PTBP3: variants seen among roughly 807,000 people sequenced by gnomAD.
PTBP3 encodes the protein polypyrimidine tract-binding protein 3.
A neutral mutation model predicts 58.7 loss-of-function variants in PTBP3; 20 were observed. That is an observed-to-expected ratio of 0.34 (90% CI 0.24 to 0.50). The LOEUF (loss-of-function observed/expected upper bound fraction) is 0.50, where lower values mean the gene tolerates loss of function less well. PTBP3 is among the 20% of genes least tolerant of loss of function. The pLI is 0.98. For synonymous variants in PTBP3, 185 were observed against 219.8 expected, an observed-to-expected ratio of 0.84 and a Z score of 1.40; for missense variants, 509 against 637.2, an observed-to-expected ratio of 0.80 and a Z score of 2.17.
the PTBP3 span, among the ~76,000 whole-genome samples, chr9:112,343,906 A>G: frequency 6.6e-6 from 1 of 152,122 alleles, no homozygotes; most frequent in Non-Finnish European, 1.5e-5. Flanking sequence ...CTCCTTCAGT[A>G]AAGTACCTGT....
chr9:112,353,067 A>G, the PTBP3 span, among the ~76,000 whole-genome samples: 2 of 151,734 alleles, frequency 1.3e-5, no homozygotes, highest in Admixed American at 6.6e-5. Context: ...CGCCTGGTTA[A>G]TTTTTGTATT....
chr9:112,252,321 G>C (rs142506277), intron 6 of PTBP3: 5 of 255,038 alleles, frequency 2.0e-5, no homozygotes, highest in Admixed American at 5.3e-5. Context: ...AAGCAGGGTC[G>C]GGCCTGGTTA....
rs191933478 is a variant in PTBP3 at position 112,332,871 on chromosome 9, G to A, written c.-52+599C>T. The A allele has an allele frequency of 2.7e-3, 4,402 of 1,609,580 alleles. 10 individuals carry two copies. Among genetic ancestry groups the A allele is most frequent in the Middle Eastern group, 3.0e-3 (18 of 6,030 alleles). ...TCACTAAGTCCAGACCCCTGGTGTC[G>A]AGAAAGCGTTAACGTATCTCACAGC... On this transcript the variant is annotated intron_variant, in intron 1 of 13. Transcript: ENST00000374257.
At chr9:112,290,361 C>T (rs919386420) in intron 2 of PTBP3, among the ~76,000 whole-genome samples, 1 of 151,804 alleles carries the variant, frequency 6.6e-6, no homozygotes, top group Non-Finnish European at 1.5e-5. Context: ...ATATGCTTAC[C>T]AGAACAACTA....
At chr9:112,375,409 T>C in the PTBP3 span, among the ~76,000 whole-genome samples, 1 of 152,210 alleles carries the variant, frequency 6.6e-6, no homozygotes, top group Non-Finnish European at 1.5e-5. Flanking sequence ...TGGGAAGATT[T>C]CCCTTTATTG....
At chr9:112,258,340 T>C (rs1283526105) in intron 5 of PTBP3, among the ~76,000 whole-genome samples, 2 of 152,180 alleles carry the variant, frequency 1.3e-5, no homozygotes, top group Admixed American at 1.3e-4. Flanking sequence ...TATCTACAAA[T>C]ACTCTGAGAT....
At chr9:112,314,752 A>G (rs996479366) in intron 1 of PTBP3, among the ~76,000 whole-genome samples, 5 of 152,354 alleles carry the variant, frequency 3.3e-5, no homozygotes, top group African/African-American at 7.2e-5. Flanking sequence ...AGAAATTTCA[A>G]TATTTCTCTT....
At chr9:112,363,516 TCACACACACACACACACACA>T in the PTBP3 span, among the ~76,000 whole-genome samples, 34 of 134,864 alleles carry the variant, frequency 2.5e-4, no homozygotes, top group South Asian at 6.0e-3. Context: ...AGCAAAACTG[TCACACACACACACACACACA>T]CACACACACA....
intron 7 of PTBP3, among the ~76,000 whole-genome samples, chr9:112,249,427 G>T (rs181854111): frequency 2.0e-5 from 3 of 152,188 alleles, no homozygotes; most frequent in African/African-American, 7.2e-5. Flanking sequence ...AGAAAGAACA[G>T]CCAGTGAAGT....
chr9:112,317,897 C>T (rs1267971565), intron 1 of PTBP3, among the ~76,000 whole-genome samples: 1 of 150,398 alleles, frequency 6.6e-6, no homozygotes, highest in Non-Finnish European at 1.5e-5. Context: ...GAGCCAAGAT[C>T]GCGCCACTGC....
the PTBP3 span, among the ~76,000 whole-genome samples, chr9:112,376,197 ACGTGTGTGTGTGTGTGTG>A: frequency 4.8e-4 from 54 of 112,138 alleles, no homozygotes; most frequent in Admixed American, 4.2e-3. Context: ...TTCCTTATAT[ACGTGTGTGTGTGTGTGTG>A]TGTGTGTGTG....
the PTBP3 span, among the ~76,000 whole-genome samples, chr9:112,365,152 A>C: frequency 6.4e-5 from 6 of 93,084 alleles, no homozygotes; most frequent in Non-Finnish European, 1.3e-4. Flanking sequence ...TTCATTGTAT[A>C]TGTCTATCTA....
intron 1 of PTBP3, among the ~76,000 whole-genome samples, chr9:112,326,578 T>A (rs1830165224): frequency 6.6e-6 from 1 of 152,238 alleles, no homozygotes; most frequent in Non-Finnish European, 1.5e-5. Flanking sequence ...TCACTAGAAG[T>A]CCTTCCCATA....
At chr9:112,256,029 G>T (rs1836331359) in intron 5 of PTBP3, among the ~76,000 whole-genome samples, 1 of 151,962 alleles carries the variant, frequency 6.6e-6, no homozygotes, top group Non-Finnish European at 1.5e-5. Flanking sequence ...TGAGACAGGT[G>T]GGTCACCTGA....
intron 1 of PTBP3, among the ~76,000 whole-genome samples, chr9:112,308,363 A>ACG (rs1829321834): frequency 5.7e-5 from 2 of 35,290 alleles, no homozygotes. Flanking sequence ...AAAAAAAAAA[A>ACG]AAAAAAAAAA....
intron 1 of PTBP3, among the ~76,000 whole-genome samples, chr9:112,303,505 G>C (rs1004994475): frequency 6.6e-6 from 1 of 152,198 alleles, no homozygotes; most frequent in Non-Finnish European, 1.5e-5. Flanking sequence ...CTATAGCAGA[G>C]TATCAGGTGC....
chr9:112,245,788 G>A (rs561686258), intron 7 of PTBP3, among the ~76,000 whole-genome samples: 2 of 152,070 alleles, frequency 1.3e-5, no homozygotes, highest in African/African-American at 2.4e-5. Context: ...CAGTGTGAAC[G>A]GGCTCCTACT....
In PTBP3 at chr9:112,268,209, A is replaced by T. The variant is rs1827188364; in HGVS notation, c.205-14T>A. ...TTCTAAGAAAGCCTGCAATAAACACAAGAAGGTAAAGTTAAAGCTCATCTT... is the reference window on the plus strand; with the variant it reads ...TTCTAAGAAAGCCTGCAATAAACACTAGAAGGTAAAGTTAAAGCTCATCTT... On this transcript the variant is annotated splice_polypyrimidine_tract_variant and intron_variant, in intron 3 of 13. Coordinates refer to ENST00000374257, the MANE Select transcript of PTBP3 (RefSeq NM_001163788.4). The T allele has an allele frequency of 6.2e-7, 1 of 1,601,308 alleles. No homozygotes were observed.
chr9:112,237,587 A>G (rs1360174296), intron 7 of PTBP3, among the ~76,000 whole-genome samples: 4 of 152,202 alleles, frequency 2.6e-5, no homozygotes. Flanking sequence ...GAACAAGTAT[A>G]AAGACTTTCT....
Sources: gnomAD v4.1 joint callset for allele counts (sites outside exome capture counted in the v4.1 genomes callset) on GRCh38, gnomAD v4.1.1 for gene constraint, MANE v1.5 for transcripts, NCBI Gene and HGNC (gene_info 2026-07-23, HGNC 2026-07-21) for gene names.